The following CD109 variants were observed in gnomAD, a reference collection of about 807,000 sequenced individuals.
The protein encoded by CD109 is CD109 antigen.
A neutral mutation model predicts 165.8 loss-of-function variants in CD109; 149 were observed. The observed-to-expected ratio is 0.90, with a 90% CI of 0.79 to 1.03. The LOEUF (loss-of-function observed/expected upper bound fraction) is 1.03, where lower values mean the gene tolerates loss of function less well. Ranked by LOEUF, CD109 falls within the 50% of genes least tolerant of loss-of-function variation. The pLI is 0.00. For missense variants in CD109, 1,712 were observed against 1,677.8 expected (o/e 1.02, Z -0.36); for synonymous variants, 585 against 592.1 (o/e 0.99, Z 0.18).
At chr6:73,682,853 C>T in the CD109 span, among the ~76,000 whole-genome samples, 1 of 151,320 alleles carries the variant, frequency 6.6e-6, no homozygotes, top group Non-Finnish European at 1.5e-5. Flanking sequence ...GGCTTGCACC[C>T]TCTGAAACCA....
chr6:73,701,282 C>T (rs1214663853), intron 2 of CD109, among the ~76,000 whole-genome samples: 1 of 152,106 alleles, frequency 6.6e-6, no homozygotes, highest in Non-Finnish European at 1.5e-5. Context: ...GCCATCAGCT[C>T]CATAGTGATT....
chr6:73,762,859 C>T lies in CD109; in HGVS notation c.974C>T (p.Thr325Ile). ...TCCCCTGGACCAGTAGAAATTTTAA[C>T]CACAGTGACAGAATCAGTTACAGGT... ...LSSPGPVEIL[T>I]TVTESVTGIS... The change falls in exon 9 of 33, where the codon ACC becomes ATC. Residue 325 changes from threonine to isoleucine, a missense_variant. Coordinates refer to ENST00000287097, the MANE Select transcript of CD109 (RefSeq NM_133493.5). 6.2e-7 allele frequency: 1 copy of T among 1,611,598 alleles called. No homozygotes were observed. The highest frequency in any genetic ancestry group is 8.5e-7 in the Non-Finnish European group (1 of 1,179,326).
intron 5 of CD109, among the ~76,000 whole-genome samples, chr6:73,751,713 T>A (rs1773196464): frequency 6.6e-6 from 1 of 152,180 alleles, no homozygotes; most frequent in African/African-American, 2.4e-5. Flanking sequence ...GTCTGCATTG[T>A]CTATGGAAGC....
At chr6:73,776,581 A>G (rs1774253061) in intron 15 of CD109, among the ~76,000 whole-genome samples, 1 of 104,772 alleles carries the variant, frequency 9.5e-6, no homozygotes, top group South Asian at 3.1e-4. Flanking sequence ...TTTTTTTGAC[A>G]GAGCCTTGAT....
chr6:73,803,544 G>T lies in CD109; in HGVS notation c.2960+243G>T, dbSNP rs551327228. Among the ~76,000 whole-genome samples, 7 of 148,082 alleles carry T rather than the reference G, an allele frequency of 4.7e-5. No homozygotes were observed. In the East Asian group the frequency reaches 6.0e-4, roughly 13 times the overall value. On this transcript the variant is annotated intron_variant, in intron 24 of 32. Coordinates refer to ENST00000287097, the MANE Select transcript of CD109 (RefSeq NM_133493.5). Reference sequence around the variant, plus strand: ...TCTTTTTTGTGTGTGTGTGTGTGTGGAAGAAACAGAAATAAAAATACTTTA... The same window carrying T: ...TCTTTTTTGTGTGTGTGTGTGTGTGTAAGAAACAGAAATAAAAATACTTTA...
rs1396898124 is a variant in CD109, at chr6:73,781,314, GTGTT to G, written c.1962_1963+2del. On this transcript the variant is annotated frameshift_variant and splice_region_variant, in exon 17 of 33. Transcript: ENST00000287097. LOFTEE classifies it high-confidence loss of function. ...AACCTCACGAAGGATTATATTGATGGTGTTTGTAAGTAATACATGGCGACATGCT... is the reference window on the plus strand; with the variant it reads ...AACCTCACGAAGGATTATATTGATGGTGTAAGTAATACATGGCGACATGCT... 6.2e-7 allele frequency: 1 copy of G among 1,611,460 alleles called. No homozygotes were observed.
intron 5 of CD109, among the ~76,000 whole-genome samples, chr6:73,754,770 A>G (rs1773322219): frequency 6.6e-6 from 1 of 152,238 alleles, no homozygotes; most frequent in African/African-American, 2.4e-5. Flanking sequence ...ATTTAAGCTA[A>G]GCCCTGGAAA....
At chr6:73,787,180 CT>C in intron 20 of CD109, 53 bp from the exon 21 acceptor site, 2 of 1,185,588 alleles carry the variant, frequency 1.7e-6, no homozygotes. Context: ...TAAAAGAGCA[CT>C]TTACTGAAGA....
chr6:73,780,454 G>A lies in CD109; in HGVS notation c.1858G>A (p.Gly620Arg). Reference protein sequence around the residue: ...VVHELELYNTGYYLGMFMNSF... With the variant: ...VVHELELYNTRYYLGMFMNSF... ...CCATGAGTTGGAACTTTATAACACA[G>A]GATATTATTTAGGCATGTTCATGAA... Residue 620 changes from glycine (G) to arginine (R), a missense_variant, in exon 16 of 33, where the codon GGA (glycine) becomes AGA (arginine). Gly to Arg is a moderately radical substitution (Grantham distance 125). Transcript: ENST00000287097. 1 of 1,608,484 alleles carries A rather than the reference G, an allele frequency of 6.2e-7. No individual in the cohort carries two copies. The highest frequency in any genetic ancestry group is 8.5e-7 in the Non-Finnish European group (1 of 1,175,826).
intron 7 of CD109, among the ~76,000 whole-genome samples, chr6:73,760,615 C>T (rs906407430): frequency 2.6e-5 from 4 of 151,808 alleles, no homozygotes; most frequent in African/African-American, 9.7e-5. Context: ...GGGGGCCAAA[C>T]TGGGTGGATC....
the CD109 span, among the ~76,000 whole-genome samples, chr6:73,687,370 T>C: frequency 2.0e-5 from 3 of 151,540 alleles, no homozygotes; most frequent in Non-Finnish European, 2.9e-5. Flanking sequence ...CTTTCCTTCC[T>C]CTTTCTTTCT....
intron 2 of CD109, among the ~76,000 whole-genome samples, chr6:73,719,819 G>T (rs139599666): frequency 1.4e-4 from 21 of 152,260 alleles, no homozygotes; most frequent in African/African-American, 4.6e-4. Context: ...CCAGTAAATT[G>T]TCTCTATTTA....
chr6:73,689,374 C>T, the CD109 span, among the ~76,000 whole-genome samples: 3 of 152,254 alleles, frequency 2.0e-5, no homozygotes, highest in East Asian at 3.9e-4. Context: ...GCTGCTATTT[C>T]CAGGTAGTTT....
chr6:73,799,672 C>T (rs1267753290), intron 23 of CD109, among the ~76,000 whole-genome samples: 1 of 152,112 alleles, frequency 6.6e-6, no homozygotes, highest in African/African-American at 2.4e-5. Context: ...ATCTCAAGGA[C>T]AGCACCAAGA....
At chr6:73,789,430 G>A (rs1050462775) in intron 22 of CD109, among the ~76,000 whole-genome samples, 1 of 151,398 alleles carries the variant, frequency 6.6e-6, no homozygotes, top group Non-Finnish European at 1.5e-5. Context: ...TTTTTTGTGG[G>A]AAGAACATTT....
the CD109 span, among the ~76,000 whole-genome samples, chr6:73,681,489 A>G: frequency 6.6e-6 from 1 of 152,120 alleles, no homozygotes; most frequent in Admixed American, 6.5e-5. Flanking sequence ...TACAGGAAAA[A>G]GTGTTCCGTG....
chr6:73,780,375 G>T, intron 15 of CD109, 49 bp from the exon 16 acceptor site: 1 of 1,114,034 alleles, frequency 9.0e-7, no homozygotes, highest in South Asian at 1.3e-5. Context: ...AAGAAGTGTG[G>T]AAAGTTGTTA....
Position 73,808,099 on chromosome 6 carries a change from A to G in CD109, c.3206A>G (p.Gln1069Arg). Reference sequence around the variant, plus strand: ...TCTTCCAAGCCTAACATTGATGTGCAAGAGTCTATCCATTTTTTGGAGTCT... The same window carrying G: ...TCTTCCAAGCCTAACATTGATGTGCGAGAGTCTATCCATTTTTTGGAGTCT... ...YRKYQPNIDV[Q>R]ESIHFLESEF... is the part of the protein sequence containing the mutation. Residue 1069 changes from glutamine (Q) to arginine (R), a missense_variant, in exon 26 of 33, where the codon CAA (glutamine) becomes CGA (arginine). Coordinates refer to ENST00000287097, the MANE Select transcript of CD109 (RefSeq NM_133493.5). 6.2e-7 allele frequency: 1 copy of G among 1,613,158 alleles called. No homozygotes were observed. The highest frequency in any genetic ancestry group is 8.5e-7 in the Non-Finnish European group (1 of 1,179,482).
At chr6:73,765,047 C>T (rs6939653) in intron 10 of CD109, among the ~76,000 whole-genome samples, 76,381 of 151,730 alleles carry the variant, frequency 0.5, 19,616 homozygotes, top group African/African-American at 0.61. Context: ...ATGGGGGTTA[C>T]TATGGGATGC....
Sources: gnomAD v4.1 joint callset for allele counts (sites outside exome capture counted in the v4.1 genomes callset) on GRCh38, gnomAD v4.1.1 for gene constraint, MANE v1.5 for transcripts, NCBI Gene and HGNC (gene_info 2026-07-23, HGNC 2026-07-21) for gene names.